Variants in PCF11 observed in about 807,000 individuals in gnomAD.
PCF11 encodes the protein pre-mRNA cleavage complex 2 protein Pcf11.
PCF11 carries 19 observed loss-of-function variants against 166.1 expected under a neutral mutation model. That is an observed-to-expected ratio of 0.11 (90% confidence interval 0.08 to 0.17). The LOEUF (loss-of-function observed/expected upper bound fraction) is 0.17, where lower values mean the gene tolerates loss of function less well. Among genes scored for constraint, PCF11 ranks in the 10% least tolerant of loss-of-function variants. The pLI, the probability that PCF11 is intolerant of heterozygous loss-of-function variation, is 1.00. For synonymous variants in PCF11, 663 were observed against 644.1 expected, an observed-to-expected ratio of 1.03 and a Z score of -0.44; for missense variants, 1,565 against 1,855.5, an observed-to-expected ratio of 0.84 and a Z score of 2.88.
rs577705098 is a variant in PCF11 at position 83,166,297 on chromosome 11, A to G, written c.1400A>G (p.Gln467Arg). 132 of 1,613,586 alleles carry G rather than the reference A, an allele frequency of 8.2e-5. No individual in the cohort carries two copies. Among genetic ancestry groups the G allele is most frequent in the East Asian group, 1.1e-4 (5 of 44,884 alleles). The change falls in exon 5 of 16, where the codon CAG becomes CGG. Residue 467 changes from glutamine to arginine, a missense_variant. Gln to Arg is a conservative substitution (Grantham distance 43). Transcript: ENST00000298281. ...ACAATAACAGAAGAGTCAGAAAAAC[A>G]GGGGACAAAACCAGGGAGATCGAGT...
At chr11:83,157,818 T>TG (rs773624115) in intron 1 of PCF11, 187 bp downstream of exon 1, 8 of 606,568 alleles carry the variant, frequency 1.3e-5, no homozygotes, top group Non-Finnish European at 2.0e-5. Context: ...GGGGAGGGAG[T>TG]GGGGAGGATA....
At chr11:83,157,562 C>G in exon 1 of PCF11, 1 of 1,613,988 alleles carries the variant, frequency 6.2e-7, no homozygotes, top group Non-Finnish European at 8.5e-7. Context: ...ATATGCTGAC[C>G]ATTCTAGCCG....
intron 2 of PCF11, among the ~76,000 whole-genome samples, chr11:83,162,777 T>C (rs1190423688): frequency 1.3e-5 from 2 of 152,244 alleles, no homozygotes; most frequent in East Asian, 3.8e-4. Flanking sequence ...TCTTTCTTTT[T>C]CTTTTTTTTG....
chr11:83,182,519 G>A, intron 14 of PCF11, 28 bp downstream of exon 14: 1 of 1,075,776 alleles, frequency 9.3e-7, no homozygotes, highest in South Asian at 1.3e-5. Flanking sequence ...ATAAGGAAGT[G>A]TTAAGATTAG....
exon 1 of PCF11, chr11:83,157,413 C>A (rs1242430040): frequency 6.3e-7 from 1 of 1,596,592 alleles, no homozygotes; most frequent in Admixed American, 1.7e-5. Context: ...TCAGCTGCAG[C>A]GGACCTCGGA....
At chr11:83,180,947 G>A in intron 11 of PCF11, 61 bp from the exon 12 acceptor site, 1 of 871,710 alleles carries the variant, frequency 1.1e-6, no homozygotes, top group Admixed American at 2.6e-5. Flanking sequence ...ATTTGTAATT[G>A]GCTTTTAAAG....
exon 16 of PCF11, chr11:83,184,785 G>C (rs765552072): frequency 5.0e-6 from 8 of 1,610,984 alleles, no homozygotes; most frequent in Non-Finnish European, 6.8e-6. Flanking sequence ...CCCTGTGACA[G>C]TCCCAAAGTT....
intron 8 of PCF11, among the ~76,000 whole-genome samples, chr11:83,171,100 C>A (rs1860673030): frequency 6.6e-6 from 1 of 152,162 alleles, no homozygotes; most frequent in East Asian, 1.9e-4. Flanking sequence ...TATTCACATA[C>A]CAGCAATATG....
At chr11:83,173,035 GA>G (rs1416076686) in intron 9 of PCF11, among the ~76,000 whole-genome samples, 1 of 152,174 alleles carries the variant, frequency 6.6e-6, no homozygotes, top group African/African-American at 2.4e-5. Flanking sequence ...TTACTATAAT[GA>G]AAAGAGAAGG....
chr11:83,177,891 C>A, intron 11 of PCF11, 72 bp downstream of exon 11: 1 of 549,702 alleles, frequency 1.8e-6, no homozygotes, highest in Non-Finnish European at 3.1e-6. Flanking sequence ...GACATTGTTA[C>A]TATTAGTGCT....
chr11:83,184,882 C>A, exon 16 of PCF11: 2 of 1,552,528 alleles, frequency 1.3e-6, no homozygotes, highest in Non-Finnish European at 1.7e-6. Context: ...ATGACACAGT[C>A]GAGTCAGTTT....
chr11:83,175,007 G>C (rs1412031971), intron 9 of PCF11, among the ~76,000 whole-genome samples: 1 of 152,222 alleles, frequency 6.6e-6, no homozygotes, highest in Admixed American at 6.5e-5. Flanking sequence ...CAGTGGTTAA[G>C]GGTAGGGATT....
At chr11:83,164,124 T>C in intron 3 of PCF11, 83 bp from the exon 4 acceptor site, 1 of 902,004 alleles carries the variant, frequency 1.1e-6, no homozygotes, top group Non-Finnish European at 1.7e-6. Flanking sequence ...TGGATCATAT[T>C]AAGAGTTAAG....
At chr11:83,173,929 C>G (rs1282083805) in intron 9 of PCF11, among the ~76,000 whole-genome samples, 1 of 151,836 alleles carries the variant, frequency 6.6e-6, no homozygotes, top group Non-Finnish European at 1.5e-5. Flanking sequence ...CAGAGTTTCA[C>G]CATATTGGTC....
At chr11:83,183,688 C>G (rs1751541735) in intron 15 of PCF11, among the ~76,000 whole-genome samples, 1 of 151,580 alleles carries the variant, frequency 6.6e-6, no homozygotes, top group African/African-American at 2.4e-5. Context: ...CAGGGTTTCA[C>G]CACATTGGTC....
chr11:83,157,169 C>A lies in PCF11; in HGVS notation c.-271C>A. 1 of 574,614 alleles carries A rather than the reference C, an allele frequency of 1.7e-6. No individual in the cohort carries two copies. Among genetic ancestry groups the A allele is most frequent in the Non-Finnish European group, 3.1e-6 (1 of 322,374 alleles). The allele number at this position is 574,614 out of a possible 1,614,324, so 35.6% of individuals were successfully genotyped here. On this transcript the variant is annotated 5_prime_UTR_variant, in exon 1 of 16. In the 5' UTR this introduces an upstream ATG that the reference lacks. Transcript: ENST00000298281. ...GTTGGGAACACAGACATTTTCGGAG[C>A]TGGAGCCGCCACTGCCGCCGCCATT...
intron 15 of PCF11, chr11:83,184,151 C>T (rs1220514109): frequency 1.3e-5 from 1 of 77,586 alleles, no homozygotes; most frequent in East Asian, 3.4e-4. Flanking sequence ...AGCTCTGTCT[C>T]AAAAAAAAAA....
exon 16 of PCF11, chr11:83,185,878 A>G (rs1013744452): frequency 6.6e-6 from 1 of 152,642 alleles, no homozygotes; most frequent in African/African-American, 2.4e-5. Context: ...AAACATGAAC[A>G]TGGTACTTGC....
chr11:83,168,051 A>G (rs1216449865), intron 7 of PCF11, among the ~76,000 whole-genome samples, 153 bp downstream of exon 7: 1 of 152,180 alleles, frequency 6.6e-6, no homozygotes, highest in Non-Finnish European at 1.5e-5. Flanking sequence ...AGGAAAGGGA[A>G]GGGAAGGGAG....
Sources: gnomAD v4.1 joint callset for allele counts (sites outside exome capture counted in the v4.1 genomes callset) on GRCh38, gnomAD v4.1.1 for gene constraint, MANE v1.5 for transcripts, NCBI Gene and HGNC (gene_info 2026-07-23, HGNC 2026-07-21) for gene names.